The following SUGCT variants were observed in gnomAD, a reference collection of about 807,000 sequenced individuals.
SUGCT encodes succinyl-CoA:glutarate-CoA transferase.
SUGCT carries 41 observed loss-of-function variants against 55.0 expected under a neutral mutation model. The ratio of observed to expected loss-of-function variants is 0.74; its 90% CI spans 0.58 to 0.97. The LOEUF is 0.97. Ranked by LOEUF, SUGCT falls within the 50% of genes least tolerant of loss-of-function variation. SUGCT has a pLI of 0.00. For synonymous variants in SUGCT, 187 were observed against 200.4 expected (o/e 0.93, Z 0.56); for missense variants, 568 against 547.8 (o/e 1.04, Z -0.37).
intron 13 of SUGCT, among the ~76,000 whole-genome samples, chr7:40,777,141 C>A (rs2128733776): frequency 6.6e-6 from 1 of 152,254 alleles, no homozygotes. Context: ...CTCTAGAGAG[C>A]CTCTTATCTA....
intron 11 of SUGCT, among the ~76,000 whole-genome samples, chr7:40,492,339 A>T (rs1417740127): frequency 6.6e-6 from 1 of 152,170 alleles, no homozygotes. Flanking sequence ...ACTACTAATC[A>T]GCAGATTTTG....
intron 1 of SUGCT, among the ~76,000 whole-genome samples, chr7:40,138,444 C>T (rs1787809284): frequency 1.3e-5 from 2 of 152,062 alleles, no homozygotes; most frequent in Non-Finnish European, 2.9e-5. Context: ...ATGAATAGTG[C>T]CGTGATAAAC....
chr7:40,763,333 A>C (rs1376943287), intron 13 of SUGCT, among the ~76,000 whole-genome samples: 1 of 152,176 alleles, frequency 6.6e-6, no homozygotes, highest in Admixed American at 6.5e-5. Context: ...GAGCAAACTG[A>C]GCCTCAGATA....
chr7:40,908,593 AC>A, the SUGCT span, among the ~76,000 whole-genome samples: 11 of 152,306 alleles, frequency 7.2e-5, no homozygotes, highest in African/African-American at 2.6e-4. Context: ...ATAAGCTTTA[AC>A]ATTTGCATAG....
intron 12 of SUGCT, among the ~76,000 whole-genome samples, chr7:40,640,050 G>A (rs1049105945): frequency 2.0e-5 from 3 of 152,082 alleles, no homozygotes; most frequent in African/African-American, 7.2e-5. Flanking sequence ...TATCCTTAAG[G>A]CACTTGCTAG....
chr7:40,195,023 C>A lies in SUGCT; in HGVS notation c.447C>A (p.Asp149Glu). Residue 149 changes from aspartate to glutamate, a missense_variant, in exon 6 of 14, where the codon GAC becomes GAA. Transcript: ENST00000335693. ...SAMGLGYEDI[D>E]EIAPHIIYCS... is the part of the protein sequence containing the mutation. ...TGGGCCTGGGATATGAAGATATAGACGAGATTGCTCCTCACATCATCTATT... is the reference window on the plus strand; with the variant it reads ...TGGGCCTGGGATATGAAGATATAGAAGAGATTGCTCCTCACATCATCTATT... The A allele has an allele frequency of 2.5e-6, 4 of 1,613,794 alleles. No individual in the cohort carries two copies. The South Asian group carries it at 4.4e-5, about 18-fold the overall frequency.
chr7:40,531,083 C>T (rs1794057081), intron 12 of SUGCT, among the ~76,000 whole-genome samples: 1 of 152,132 alleles, frequency 6.6e-6, no homozygotes, highest in African/African-American at 2.4e-5. Context: ...GTCCCTATTA[C>T]CCAAGTAAAT....
intron 13 of SUGCT, among the ~76,000 whole-genome samples, chr7:40,821,906 C>A (rs1195370237): frequency 1.3e-5 from 2 of 152,152 alleles, no homozygotes; most frequent in South Asian, 4.1e-4. Flanking sequence ...GCATTTAGTG[C>A]TATAAATTTC....
chr7:40,599,026 A>G (rs925331576), intron 12 of SUGCT, among the ~76,000 whole-genome samples: 2 of 152,176 alleles, frequency 1.3e-5, no homozygotes, highest in Admixed American at 1.3e-4. Context: ...GGGAACCTAA[A>G]TGGGGCCTAC....
chr7:40,995,453 T>C, the SUGCT span, among the ~76,000 whole-genome samples: 1 of 151,578 alleles, frequency 6.6e-6, no homozygotes, highest in Non-Finnish European at 1.5e-5. Flanking sequence ...TCCATGACAT[T>C]GATTGCTTTG....
chr7:40,591,975 T>C (rs761060698), intron 12 of SUGCT, among the ~76,000 whole-genome samples: 3 of 152,204 alleles, frequency 2.0e-5, no homozygotes, highest in Non-Finnish European at 4.4e-5. Flanking sequence ...ATTGTGATAT[T>C]TGCTTTTTTT....
chr7:40,256,244 G>A (rs2150949273), intron 7 of SUGCT, among the ~76,000 whole-genome samples: 1 of 152,248 alleles, frequency 6.6e-6, no homozygotes, highest in South Asian at 2.1e-4. Context: ...GTGGATTAAG[G>A]TCCTTTCTGG....
intron 9 of SUGCT, among the ~76,000 whole-genome samples, chr7:40,407,981 G>A (rs1236844067): frequency 6.6e-6 from 1 of 151,964 alleles, no homozygotes; most frequent in African/African-American, 2.4e-5. Flanking sequence ...TGATTTCGAT[G>A]CCGCCAAGCT....
chr7:40,250,260 C>T lies in SUGCT; in HGVS notation c.576+12534C>T, dbSNP rs957279551. Reference sequence around the variant, plus strand: ...AAAAAATACAAAAAAATTAGCGGGGCGTGGAGGTGCCTGCCTGTAGTCCCA... The same window carrying T: ...AAAAAATACAAAAAAATTAGCGGGGTGTGGAGGTGCCTGCCTGTAGTCCCA... On this transcript the variant is annotated intron_variant, in intron 7 of 13. Transcript: ENST00000335693. Among the ~76,000 whole-genome samples, 10 of 150,672 alleles carry T rather than the reference C, an allele frequency of 6.6e-5. No homozygotes were observed. The East Asian group carries it at 1.2e-3, about 19-fold the overall frequency.
the SUGCT span, among the ~76,000 whole-genome samples, chr7:40,921,225 TTTTA>T: frequency 5.9e-5 from 9 of 152,148 alleles, no homozygotes; most frequent in African/African-American, 1.9e-4. Context: ...TTAAATTTTA[TTTTA>T]TTTATTTATT....
intron 9 of SUGCT, among the ~76,000 whole-genome samples, chr7:40,413,262 T>A (rs8180744): frequency 0.69 from 104,846 of 151,888 alleles, 36,602 homozygotes; most frequent in East Asian, 0.99. Context: ...GAAACTGCTG[T>A]TCCATGGGCC....
At position 40,575,371 on chromosome 7, in the gene SUGCT, A is replaced by G. The variant is rs555339430; in HGVS notation, c.1089+78985A>G. 5.8e-4 allele frequency among the ~76,000 whole-genome samples: 89 copies of G among 152,288 alleles called. No homozygotes were observed. In the Middle Eastern group the frequency reaches 0.01, roughly 17 times the overall value. ...ACAACAACAAAAAACTAACCACCGA[A>G]AGATAGTTCCTAATTATCCCAGGAT... On this transcript the variant is annotated intron_variant, in intron 12 of 13. Transcript: ENST00000335693.
chr7:40,268,390 T>G (rs764103136), intron 7 of SUGCT, among the ~76,000 whole-genome samples: 3 of 152,232 alleles, frequency 2.0e-5, no homozygotes, highest in Non-Finnish European at 4.4e-5. Flanking sequence ...CTTAGCATAA[T>G]ATTTGTTAAA....
At chr7:40,997,499 ACC>A in the SUGCT span, among the ~76,000 whole-genome samples, 5 of 152,062 alleles carry the variant, frequency 3.3e-5, no homozygotes, top group Admixed American at 6.6e-5. Context: ...TTCACTTACC[ACC>A]ACCCTGCACA....
Sources: gnomAD v4.1 joint callset for allele counts (sites outside exome capture counted in the v4.1 genomes callset) on GRCh38, gnomAD v4.1.1 for gene constraint, MANE v1.5 for transcripts, NCBI Gene and HGNC (gene_info 2026-07-23, HGNC 2026-07-21) for gene names.